The following DLG2 variants were observed in gnomAD, a reference collection of about 807,000 sequenced individuals.
The protein encoded by DLG2 is disks large homolog 2.
Under a neutral mutation model 132.5 loss-of-function variants are expected in DLG2, and 45 were observed. The observed-to-expected ratio is 0.34, with a 90% CI of 0.27 to 0.44. The LOEUF (loss-of-function observed/expected upper bound fraction) is 0.44. Among genes scored for constraint, DLG2 ranks in the 20% least tolerant of loss-of-function variants. The pLI is 1.00. For missense variants in DLG2, 1,045 were observed against 1,196.9 expected (o/e 0.87, Z 1.87); for synonymous variants, 424 against 419.6 (o/e 1.01, Z -0.13).
At chr11:85,456,718 T>C (rs760078815) in intron 3 of DLG2, among the ~76,000 whole-genome samples, 2 of 152,218 alleles carry the variant, frequency 1.3e-5, no homozygotes, top group African/African-American at 2.4e-5. Flanking sequence ...ATAGTTTCCC[T>C]ATTTATCCAA....
intron 5 of DLG2, among the ~76,000 whole-genome samples, chr11:85,151,607 G>C (rs1053896701): frequency 6.6e-6 from 1 of 152,090 alleles, no homozygotes; most frequent in African/African-American, 2.4e-5. Flanking sequence ...TTTGCATGTA[G>C]ATATCCAGTT....
intron 4 of DLG2, among the ~76,000 whole-genome samples, chr11:85,184,292 T>A (rs1595162243): frequency 6.6e-6 from 1 of 151,530 alleles, no homozygotes; most frequent in African/African-American, 2.4e-5. Flanking sequence ...CATAGCCTTA[T>A]ATCCTCCAAT....
chr11:84,291,326 C>T (rs986266458), intron 7 of DLG2, among the ~76,000 whole-genome samples: 3 of 151,980 alleles, frequency 2.0e-5, no homozygotes, highest in Non-Finnish European at 4.4e-5. Context: ...AAGAATATTG[C>T]CAAGTTAGAC....
chr11:85,047,524 T>C (rs975986178), intron 6 of DLG2, among the ~76,000 whole-genome samples: 1 of 151,850 alleles, frequency 6.6e-6, no homozygotes, highest in Non-Finnish European at 1.5e-5. Flanking sequence ...TTAGCCTCAA[T>C]GAACATGTGG....
intron 17 of DLG2, among the ~76,000 whole-genome samples, chr11:83,819,878 T>C (rs765555412): frequency 1.2e-3 from 177 of 152,204 alleles, no homozygotes; most frequent in Non-Finnish European, 2.1e-3. Flanking sequence ...TCAAGAAATC[T>C]TGGCTATCAG....
intron 6 of DLG2, among the ~76,000 whole-genome samples, chr11:84,632,176 C>A (rs2099633265): frequency 1.3e-5 from 2 of 152,026 alleles, no homozygotes; most frequent in Admixed American, 1.3e-4. Context: ...AGACTTCAAA[C>A]ATAGAACTCA....
intron 9 of DLG2, among the ~76,000 whole-genome samples, chr11:84,140,401 AAAC>A (rs1236035504): frequency 3.3e-5 from 5 of 152,180 alleles, no homozygotes; most frequent in African/African-American, 4.8e-5. Flanking sequence ...CAAACAAGTA[AAAC>A]AATAATGCTG....
In DLG2 at chr11:83,937,450, G is replaced by C. The variant is rs1022454996; in HGVS notation, c.1341-6967C>G. Among the ~76,000 whole-genome samples the C allele has an allele frequency of 2.8e-5, 4 of 143,096 alleles. No individual in the cohort carries two copies. The Admixed American group carries it at 3.0e-4, about 11-fold the overall frequency. 93.9% of individuals were successfully genotyped at this position (143,096 alleles called of 152,430 possible). A position where few individuals can be genotyped will look rare whatever the true frequency, so the allele number is the denominator to read the frequency against. On this transcript the variant is annotated intron_variant, in intron 14 of 27. Coordinates refer to ENST00000376104, the MANE Select transcript of DLG2 (RefSeq NM_001142699.3). ...CTGAACCTGGAAGGCGGAGTTTGCA[G>C]TGAGCCGAGATTGTGCCACCGCACT... is the stretch of plus-strand genomic sequence containing the variant.
chr11:83,943,043 A>T (rs2083026349), intron 14 of DLG2, among the ~76,000 whole-genome samples: 1 of 152,168 alleles, frequency 6.6e-6, no homozygotes, highest in Non-Finnish European at 1.5e-5. Context: ...GTTTCCCTGC[A>T]CAAGTTCTCT....
intron 6 of DLG2, among the ~76,000 whole-genome samples, chr11:84,809,292 A>G (rs1196619891): frequency 2.0e-5 from 3 of 152,004 alleles, no homozygotes; most frequent in African/African-American, 7.2e-5. Context: ...TCAACTCAAT[A>G]AAGTGCATCT....
At chr11:85,512,829 C>A in intron 3 of DLG2, among the ~76,000 whole-genome samples, 1 of 152,054 alleles carries the variant, frequency 6.6e-6, no homozygotes, top group East Asian at 1.9e-4. Flanking sequence ...ACCCAGCAAT[C>A]CCATTACTGG....
intron 3 of DLG2, among the ~76,000 whole-genome samples, chr11:85,518,488 AAGAAACATC>A (rs2094213326): frequency 6.6e-6 from 1 of 152,200 alleles, no homozygotes; most frequent in Non-Finnish European, 1.5e-5. Flanking sequence ...TATCTGGCAG[AAGAAACATC>A]TAAGCAGCAA....
chr11:84,981,536 T>C (rs574469620), intron 6 of DLG2, among the ~76,000 whole-genome samples: 47 of 152,288 alleles, frequency 3.1e-4, no homozygotes, highest in African/African-American at 1.1e-3. Flanking sequence ...TAGGCTCCCA[T>C]TTCCCAAGTT....
intron 19 of DLG2, among the ~76,000 whole-genome samples, chr11:83,551,217 A>G (rs1408508019): frequency 6.6e-6 from 1 of 152,180 alleles, no homozygotes; most frequent in Admixed American, 6.6e-5. Flanking sequence ...TAGGTACTCA[A>G]TATTTGTTAA....
intron 7 of DLG2, among the ~76,000 whole-genome samples, chr11:84,376,580 C>G (rs191248806): frequency 1.3e-5 from 2 of 151,914 alleles, no homozygotes; most frequent in East Asian, 3.9e-4. Flanking sequence ...TTTTCATGAA[C>G]CCAAGAAATA....
intron 6 of DLG2, among the ~76,000 whole-genome samples, chr11:84,670,960 A>G (rs2099705194): frequency 6.6e-6 from 1 of 152,202 alleles, no homozygotes; most frequent in Admixed American, 6.5e-5. Context: ...AAGAAAAAAA[A>G]TTACAAATTT....
chr11:84,435,209 T>C (rs2098997018), intron 7 of DLG2, among the ~76,000 whole-genome samples: 1 of 152,202 alleles, frequency 6.6e-6, no homozygotes. Flanking sequence ...TTAATTCAGC[T>C]TGTTGTATTA....
At chr11:85,124,689 T>C (rs755562080) in intron 5 of DLG2, among the ~76,000 whole-genome samples, 41 of 152,374 alleles carry the variant, frequency 2.7e-4, no homozygotes, top group South Asian at 1.0e-3. Flanking sequence ...CAGGTAGCTA[T>C]AATCATGGGT....
chr11:84,568,651 A>G (rs1172763679), intron 6 of DLG2, among the ~76,000 whole-genome samples: 1 of 152,144 alleles, frequency 6.6e-6, no homozygotes, highest in Non-Finnish European at 1.5e-5. Flanking sequence ...TCCTACCCCA[A>G]CAAACCTGCC....
Sources: gnomAD v4.1 joint callset for allele counts (sites outside exome capture counted in the v4.1 genomes callset) on GRCh38, gnomAD v4.1.1 for gene constraint, MANE v1.5 for transcripts, NCBI Gene and HGNC (gene_info 2026-07-23, HGNC 2026-07-21) for gene names.